The following IL1RAPL2 variants were observed in gnomAD, a reference collection of about 807,000 sequenced individuals.
IL1RAPL2 encodes the protein interleukin 1 receptor accessory protein like 2, also known as X-linked interleukin-1 receptor accessory protein-like 2.
A neutral mutation model predicts 44.1 loss-of-function variants in IL1RAPL2; 3 were observed. The ratio of observed to expected loss-of-function variants is 0.07; its 90% CI spans 0.03 to 0.18. The LOEUF is 0.18. Ranked by LOEUF, IL1RAPL2 falls within the 10% of genes least tolerant of loss-of-function variation. The probability of loss-of-function intolerance (pLI) is 1.00; values close to 1 mark genes in which losing one functional copy is unlikely to be tolerated. For missense variants in IL1RAPL2, 391 were observed against 496.4 expected (o/e 0.79, Z 2.02); for synonymous variants, 181 against 178.8 (o/e 1.01, Z -0.10).
chrX:104,970,942 T>C (rs1434382397), intron 2 of IL1RAPL2, among the ~76,000 whole-genome samples: 1 of 112,084 alleles, frequency 8.9e-6, no homozygotes, highest in Non-Finnish European at 1.9e-5. Flanking sequence ...GGGTTGGAAG[T>C]CTTGTGCCAG....
intron 2 of IL1RAPL2, among the ~76,000 whole-genome samples, chrX:105,172,714 A>G (rs1295549290): frequency 8.9e-6 from 1 of 112,003 alleles, no homozygotes; most frequent in Non-Finnish European, 1.9e-5. Context: ...GCCCACCTGA[A>G]TAATCTCCCT....
At chrX:105,080,974 T>C (rs1002513627) in intron 2 of IL1RAPL2, among the ~76,000 whole-genome samples, 1 of 111,270 alleles carries the variant, frequency 9.0e-6, no homozygotes, top group East Asian at 2.8e-4. Context: ...ATTCTCTTTG[T>C]AGCAATTGTG....
At chrX:105,468,764 A>C (rs1357031361) in intron 5 of IL1RAPL2, among the ~76,000 whole-genome samples, 1 of 111,786 alleles carries the variant, frequency 8.9e-6, no homozygotes, top group East Asian at 2.8e-4. Flanking sequence ...GCCTTCTCTC[A>C]GAGTGCTATC....
intron 2 of IL1RAPL2, among the ~76,000 whole-genome samples, chrX:104,982,273 A>T (rs2030455992): frequency 1.8e-5 from 2 of 111,121 alleles, no homozygotes; most frequent in Admixed American, 1.9e-4. Flanking sequence ...CTTCAAGGTA[A>T]GTCCCATCTC....
intron 2 of IL1RAPL2, among the ~76,000 whole-genome samples, chrX:104,717,754 C>A (rs1010285672): frequency 4.7e-5 from 5 of 106,350 alleles, no homozygotes; most frequent in Admixed American, 2.0e-4. Flanking sequence ...AATGCTATCT[C>A]CCCCCCCCAC....
intron 2 of IL1RAPL2, among the ~76,000 whole-genome samples, chrX:104,718,144 G>A (rs1931612069): frequency 9.0e-6 from 1 of 110,687 alleles, no homozygotes; most frequent in Non-Finnish European, 1.9e-5. Flanking sequence ...TGGGTCAAAT[G>A]GAATTTCTAG....
chrX:104,923,833 G>A (rs1345031409), intron 2 of IL1RAPL2, among the ~76,000 whole-genome samples: 1 of 102,898 alleles, frequency 9.7e-6, no homozygotes, highest in Non-Finnish European at 2.0e-5. Flanking sequence ...TGGCCTAAAT[G>A]TACCAATTAA....
chrX:105,764,799 C>A (rs1034057226), intron 10 of IL1RAPL2, among the ~76,000 whole-genome samples: 1 of 110,522 alleles, frequency 9.0e-6, no homozygotes, highest in African/African-American at 3.3e-5. Context: ...CAGCAAGACT[C>A]TATCTCAAAA....
intron 2 of IL1RAPL2, among the ~76,000 whole-genome samples, chrX:105,009,394 A>G (rs1242126553): frequency 9.1e-6 from 1 of 109,714 alleles, no homozygotes; most frequent in Non-Finnish European, 1.9e-5. Flanking sequence ...TGTGGCACAT[A>G]TACACCATGG....
intron 2 of IL1RAPL2, among the ~76,000 whole-genome samples, chrX:104,952,936 G>C (rs1925624738): frequency 8.9e-6 from 1 of 112,370 alleles, no homozygotes; most frequent in South Asian, 3.6e-4. Flanking sequence ...ATGTTTAAGT[G>C]TGGACTATGT....
At position 105,566,349 on chromosome X, in the gene IL1RAPL2, C is replaced by T. The variant is rs764937747; in HGVS notation, c.772+81962C>T. ...AATGGCAGGACTTGGTAACTGATGG[C>T]ATGTGTAGCATGAAGGAGAGGAAGG... is the stretch of plus-strand genomic sequence containing the variant. On this transcript the variant is annotated intron_variant, in intron 6 of 10. Transcript: ENST00000372582. Among the ~76,000 whole-genome samples, 7 of 111,355 alleles carry T rather than the reference C, an allele frequency of 6.3e-5. No homozygotes were observed. In the South Asian group the frequency reaches 1.9e-3, roughly 30 times the overall value.
chrX:105,316,843 G>A (rs1436848659), intron 5 of IL1RAPL2, among the ~76,000 whole-genome samples: 2 of 111,509 alleles, frequency 1.8e-5, no homozygotes, highest in African/African-American at 6.5e-5. Flanking sequence ...TACTGATGGG[G>A]AGCGGGGGAA....
chrX:105,016,939 G>A (rs764955001), intron 2 of IL1RAPL2, among the ~76,000 whole-genome samples: 10 of 111,181 alleles, frequency 9.0e-5, no homozygotes, highest in Admixed American at 1.9e-4. Flanking sequence ...GAATCTGTCC[G>A]GTCCTGGACA....
chrX:105,432,641 ACTCAT>A (rs2035856196), intron 5 of IL1RAPL2, among the ~76,000 whole-genome samples: 1 of 111,079 alleles, frequency 9.0e-6, no homozygotes, highest in South Asian at 3.8e-4. Flanking sequence ...ATTCTGAAAG[ACTCAT>A]CTCAAGACTT....
At chrX:105,033,136 T>G (rs1419682020) in intron 2 of IL1RAPL2, among the ~76,000 whole-genome samples, 3 of 111,655 alleles carry the variant, frequency 2.7e-5, no homozygotes, top group Non-Finnish European at 5.6e-5. Context: ...TGAGATGGGT[T>G]TCCTGAATAC....
intron 2 of IL1RAPL2, among the ~76,000 whole-genome samples, chrX:104,909,917 C>G (rs1924175626): frequency 8.9e-6 from 1 of 112,412 alleles, no homozygotes; most frequent in Non-Finnish European, 1.9e-5. Flanking sequence ...TTTACCTAAG[C>G]AAGCCTGGGT....
At chrX:105,688,245 T>G (rs1174072984) in intron 6 of IL1RAPL2, among the ~76,000 whole-genome samples, 3 of 111,403 alleles carry the variant, frequency 2.7e-5, no homozygotes, top group Non-Finnish European at 5.6e-5. Context: ...GAGAAAGAAA[T>G]AAAGGGCATT....
chrX:104,826,597 G>A (rs1255734490), intron 2 of IL1RAPL2, among the ~76,000 whole-genome samples: 4 of 111,554 alleles, frequency 3.6e-5, no homozygotes, highest in African/African-American at 1.3e-4. Flanking sequence ...TGTTGATTTG[G>A]GGTGGAGAGT....
At chrX:104,594,345 T>A (rs1928723485) in intron 1 of IL1RAPL2, among the ~76,000 whole-genome samples, 1 of 112,143 alleles carries the variant, frequency 8.9e-6, no homozygotes, top group Non-Finnish European at 1.9e-5. Context: ...CATACATTAA[T>A]ATTTAGTTAT....
Sources: allele counts gnomAD v4.1 joint callset (sites outside exome capture counted in the v4.1 genomes callset), GRCh38; gene constraint gnomAD v4.1.1; transcripts MANE v1.5; gene names NCBI Gene and HGNC (gene_info 2026-07-23, HGNC 2026-07-21).